NALF1: variants seen among roughly 807,000 people sequenced by gnomAD.
The protein encoded by NALF1 is family with sequence similarity 155 member A.
In NALF1, 3 loss-of-function variants were observed where a neutral mutation model predicts 48.4. The ratio of observed to expected loss-of-function variants is 0.06; its 90% CI spans 0.03 to 0.16. NALF1 has a LOEUF of 0.16. Ranked by LOEUF, NALF1 falls within the 10% of genes least tolerant of loss-of-function variation. The pLI, the probability that NALF1 is intolerant of heterozygous loss-of-function variation, is 1.00. For synonymous variants in NALF1, 262 were observed against 245.7 expected (o/e 1.07, Z -0.62); for missense variants, 526 against 571.5 (o/e 0.92, Z 0.81).
chr13:107,784,263 C>T (rs1198616191), intron 1 of NALF1, among the ~76,000 whole-genome samples: 1 of 152,114 alleles, frequency 6.6e-6, no homozygotes, highest in African/African-American at 2.4e-5. Context: ...TTTAAACAAC[C>T]CGAACAGGAG....
intron 1 of NALF1, among the ~76,000 whole-genome samples, chr13:107,320,416 C>T (rs985493981): frequency 6.6e-6 from 1 of 152,022 alleles, no homozygotes; most frequent in African/African-American, 2.4e-5. Flanking sequence ...TCAGTGAAAC[C>T]CTCAACTTCA....
rs537187245 is a variant in NALF1, at chr13:107,454,242, A to G, written c.916-243487T>C. Among the ~76,000 whole-genome samples the G allele has an allele frequency of 1.1e-4, 17 of 152,254 alleles. No homozygotes were observed. The East Asian group carries it at 2.5e-3, about 22-fold the overall frequency. Reference sequence around the variant, plus strand: ...ACCCCACTGCTGGTACCAATTTACCATATTAGTCCGTTTTCATACTACTGT... The same window carrying G: ...ACCCCACTGCTGGTACCAATTTACCGTATTAGTCCGTTTTCATACTACTGT... On this transcript the variant is annotated intron_variant, in intron 1 of 2. Coordinates refer to ENST00000375915, the MANE Select transcript of NALF1 (RefSeq NM_001080396.3).
chr13:107,541,678 A>G (rs996372172), intron 1 of NALF1, among the ~76,000 whole-genome samples: 1 of 152,076 alleles, frequency 6.6e-6, no homozygotes, highest in Non-Finnish European at 1.5e-5. Context: ...ATGTGCCTTT[A>G]CTGATAATGA....
chr13:107,417,794 C>T (rs1054445685), intron 1 of NALF1, among the ~76,000 whole-genome samples: 5 of 152,170 alleles, frequency 3.3e-5, no homozygotes, highest in African/African-American at 9.6e-5. Context: ...GGCGCAGTTG[C>T]TTACATCTGT....
chr13:107,496,377 A>G (rs1379157300), intron 1 of NALF1, among the ~76,000 whole-genome samples: 1 of 152,186 alleles, frequency 6.6e-6, no homozygotes, highest in Non-Finnish European at 1.5e-5. Context: ...TGATTCCTAC[A>G]GGTCTAAAAC....
At chr13:107,216,192 G>A (rs1879869179) in intron 1 of NALF1, among the ~76,000 whole-genome samples, 1 of 152,150 alleles carries the variant, frequency 6.6e-6, no homozygotes, top group Admixed American at 6.5e-5. Flanking sequence ...GGTATGTGTG[G>A]GTGAAATAAT....
At chr13:107,213,641 C>T (rs1170764700) in intron 1 of NALF1, among the ~76,000 whole-genome samples, 1 of 152,156 alleles carries the variant, frequency 6.6e-6, no homozygotes, top group African/African-American at 2.4e-5. Context: ...AAGTCTTTAT[C>T]TTCTCTGTGT....
At chr13:107,795,327 G>C (rs1878385896) in intron 1 of NALF1, among the ~76,000 whole-genome samples, 1 of 152,104 alleles carries the variant, frequency 6.6e-6, no homozygotes, top group African/African-American at 2.4e-5. Flanking sequence ...CACTGATCTG[G>C]GGAAGGGAAA....
intron 1 of NALF1, among the ~76,000 whole-genome samples, chr13:107,308,614 T>C (rs753787852): frequency 3.9e-5 from 6 of 152,152 alleles, no homozygotes; most frequent in South Asian, 4.1e-4. Flanking sequence ...GAATTACAAA[T>C]AGACTGTCTA....
At chr13:107,287,366 G>A (rs1881515896) in intron 1 of NALF1, among the ~76,000 whole-genome samples, 1 of 152,132 alleles carries the variant, frequency 6.6e-6, no homozygotes, top group Admixed American at 6.5e-5. Flanking sequence ...TTCTAGTTCA[G>A]GTATTTCCCA....
intron 1 of NALF1, among the ~76,000 whole-genome samples, chr13:107,316,489 G>A (rs944416991): frequency 2.0e-5 from 3 of 152,144 alleles, no homozygotes; most frequent in Non-Finnish European, 2.9e-5. Context: ...TTCCACAATG[G>A]TTGAACTAGT....
intron 1 of NALF1, among the ~76,000 whole-genome samples, chr13:107,617,202 T>A (rs570013732): frequency 6.6e-6 from 1 of 152,254 alleles, no homozygotes; most frequent in African/African-American, 2.4e-5. Flanking sequence ...CATAAAGATG[T>A]TTTAAAATAC....
At chr13:107,493,331 T>C (rs1041457100) in intron 1 of NALF1, among the ~76,000 whole-genome samples, 5 of 152,158 alleles carry the variant, frequency 3.3e-5, no homozygotes, top group East Asian at 1.9e-4. Flanking sequence ...TGCCTTTTCC[T>C]GTACATCGTG....
intron 1 of NALF1, among the ~76,000 whole-genome samples, chr13:107,261,147 A>G (rs1880920301): frequency 6.6e-6 from 1 of 152,252 alleles, no homozygotes; most frequent in Non-Finnish European, 1.5e-5. Context: ...AAAATTAAAA[A>G]GTAAATAAAT....
chr13:107,614,260 C>A (rs1379353938), intron 1 of NALF1, among the ~76,000 whole-genome samples: 3 of 152,152 alleles, frequency 2.0e-5, no homozygotes, highest in African/African-American at 7.2e-5. Context: ...AATAACGCCG[C>A]CTTGTCTAAC....
intron 1 of NALF1, among the ~76,000 whole-genome samples, chr13:107,525,463 T>C (rs573092137): frequency 6.6e-6 from 1 of 152,266 alleles, no homozygotes; most frequent in African/African-American, 2.4e-5. Context: ...TTTCTTTTTA[T>C]TGCTGACTAG....
At position 107,647,543 on chromosome 13, in the gene NALF1, A is replaced by AC. The variant is rs1194703259; in HGVS notation, c.915+218138_915+218139insG. On this transcript the variant is annotated intron_variant, in intron 1 of 2. Transcript: ENST00000375915. ...ACAAAGGCAGAATTGCAAACATAAC[A>AC]ATCCCATGAAACCTTAATAACATAA... Among the ~76,000 whole-genome samples, 231 of 152,118 alleles carry AC rather than the reference A, an allele frequency of 1.5e-3. 2 individuals carry two copies. Among genetic ancestry groups the AC allele is most frequent in the African/African-American group, 5.1e-3 (212 of 41,498 alleles).
intron 1 of NALF1, among the ~76,000 whole-genome samples, chr13:107,710,770 C>A (rs1024920526): frequency 8.4e-5 from 5 of 59,648 alleles, no homozygotes; most frequent in Admixed American, 2.4e-4. Context: ...TATGTATACA[C>A]ACATATGTGT....
At chr13:107,781,217 G>C (rs1429767074) in intron 1 of NALF1, among the ~76,000 whole-genome samples, 1 of 152,062 alleles carries the variant, frequency 6.6e-6, no homozygotes, top group Admixed American at 6.5e-5. Flanking sequence ...TGAAACCAGA[G>C]ATGCCTCTGC....
Sources: allele counts gnomAD v4.1 joint callset (sites outside exome capture counted in the v4.1 genomes callset), GRCh38; gene constraint gnomAD v4.1.1; transcripts MANE v1.5; gene names NCBI Gene and HGNC (gene_info 2026-07-23, HGNC 2026-07-21).